Variants in HNRNPUL2 observed in about 807,000 individuals in gnomAD.
The protein encoded by HNRNPUL2 is heterogeneous nuclear ribonucleoprotein U like 2, also known as heterogeneous nuclear ribonucleoprotein U-like protein 2.
A neutral mutation model predicts 102.2 loss-of-function variants in HNRNPUL2; 27 were observed. The observed-to-expected ratio is 0.26, with a 90% CI of 0.19 to 0.36. The LOEUF is 0.36. Ranked by LOEUF, HNRNPUL2 falls within the 10% of genes least tolerant of loss-of-function variation. The pLI, the probability that HNRNPUL2 is intolerant of heterozygous loss-of-function variation, is 1.00. For synonymous variants in HNRNPUL2, 458 were observed against 387.2 expected, an observed-to-expected ratio of 1.18 and a Z score of -2.15; for missense variants, 936 against 981.1, an observed-to-expected ratio of 0.95 and a Z score of 0.61.
Position 62,713,824 on chromosome 11 carries a change from G to A in HNRNPUL2, c.*1475C>T, listed in dbSNP as rs550475868. 1 of 152,422 alleles carries A rather than the reference G, an allele frequency of 6.6e-6. No individual in the cohort carries two copies. The highest frequency in any genetic ancestry group is 2.4e-5 in the African/African-American group (1 of 41,580). 9.4% of individuals were successfully genotyped at this position (152,422 alleles called of 1,614,324 possible). A position where few individuals can be genotyped will look rare whatever the true frequency, so the allele number is the denominator to read the frequency against. On this transcript the variant is annotated 3_prime_UTR_variant, in exon 14 of 14. Coordinates refer to ENST00000301785, the MANE Select transcript of HNRNPUL2 (RefSeq NM_001079559.3). ...CTGCTGAGTAAGCTCTTGGCTGACAGTGCTGAGCAGGAGGATGAATGAAAA... is the reference window on the plus strand; with the variant it reads ...CTGCTGAGTAAGCTCTTGGCTGACAATGCTGAGCAGGAGGATGAATGAAAA...
At position 62,722,911 on chromosome 11, in the gene HNRNPUL2, AG is replaced by A. The variant is rs773076701; in HGVS notation, c.892-9del. ...TGGGAGATTCTGGGTTACCTGGCCA[AG>A]TCAGAAAGGGAACTATTAGATATTG... On this transcript the variant is annotated splice_polypyrimidine_tract_variant and intron_variant, in intron 4 of 13. Coordinates refer to ENST00000301785, the MANE Select transcript of HNRNPUL2 (RefSeq NM_001079559.3). 6.8e-6 allele frequency: 11 copies of A among 1,611,662 alleles called. No individual in the cohort carries two copies. The South Asian group carries it at 1.2e-4, about 18-fold the overall frequency.
At chr11:62,724,494 A>G in intron 1 of HNRNPUL2, 68 bp from the exon 2 acceptor site, 1 of 1,538,914 alleles carries the variant, frequency 6.5e-7, no homozygotes, top group Non-Finnish European at 9.0e-7. Flanking sequence ...CACAACTAAT[A>G]GACACTAACA....
Position 62,726,793 on chromosome 11 carries a change from C to T in HNRNPUL2, c.364G>A (p.Ala122Thr), listed in dbSNP as rs372276805. 63 of 1,599,322 alleles carry T rather than the reference C, an allele frequency of 3.9e-5. No individual in the cohort carries two copies. The African/African-American group carries it at 8.0e-4, about 20-fold the overall frequency. ...TTCTCGGAAGCATCTGGCTCGGCCG[C>T]GGCCTCCATGGCTGCCGCCTCCGGG... is the stretch of plus-strand genomic sequence containing the variant. Reference protein sequence around the residue: ...EPPEAAAMEAAAEPDASEKPA... With the variant: ...EPPEAAAMEATAEPDASEKPA... The change falls in exon 1 of 14, where the codon GCG becomes ACG. Residue 122 changes from alanine to threonine, a missense_variant. Physicochemically the swap from Ala to Thr is moderately conservative, Grantham distance 58 (BLOSUM62 0). Coordinates refer to ENST00000301785, the MANE Select transcript of HNRNPUL2 (RefSeq NM_001079559.3).
At chr11:62,718,501 G>A (rs1197259273) in intron 10 of HNRNPUL2, among the ~76,000 whole-genome samples, 1 of 151,896 alleles carries the variant, frequency 6.6e-6, no homozygotes, top group Non-Finnish European at 1.5e-5. Flanking sequence ...AGGAGTTCGA[G>A]ACCAGCCTGA....
chr11:62,724,405 T>C lies in HNRNPUL2; in HGVS notation c.560A>G (p.Lys187Arg), dbSNP rs1241567174. Residue 187 changes from lysine (K) to arginine (R), a missense_variant, in exon 2 of 14, where the codon AAG becomes AGG. Lys to Arg is a conservative substitution (Grantham distance 26). Coordinates refer to ENST00000301785, the MANE Select transcript of HNRNPUL2 (RefSeq NM_001079559.3). ...ACCATCTGAGCCTGCTGGTTTTGACTTTTCACTATCCTGGTCATCTCCTAC... is the reference window on the plus strand; with the variant it reads ...ACCATCTGAGCCTGCTGGTTTTGACCTTTCACTATCCTGGTCATCTCCTAC... ...EEQGDDQDSEKSKPAGSDGER... is the reference protein window; with the variant it reads ...EEQGDDQDSERSKPAGSDGER... The C allele has an allele frequency of 1.9e-6, 3 of 1,614,076 alleles. No homozygotes were observed. In the African/African-American group the frequency reaches 4.0e-5, roughly 22 times the overall value.
In HNRNPUL2 at chr11:62,722,690, A is replaced by G; in HGVS notation, c.1006T>C (p.Phe336Leu). 6.2e-7 allele frequency: 1 copy of G among 1,614,170 alleles called. No homozygotes were observed. The highest frequency in any genetic ancestry group is 8.5e-7 in the Non-Finnish European group (1 of 1,179,994). The change falls in exon 6 of 14, where the codon TTC becomes CTC. Residue 336 changes from phenylalanine (F) to leucine (L), a missense_variant. Physicochemically the swap from Phe to Leu is conservative, Grantham distance 22. Coordinates refer to ENST00000301785, the MANE Select transcript of HNRNPUL2 (RefSeq NM_001079559.3). ...QLGEDEFSYG[F>L]DGRGLKAENG... Reference sequence around the variant, plus strand: ...TCTGCCTTGAGTCCTCGTCCATCGAAACCGTAAGAGAATTCATCTTCACCT... The same window carrying G: ...TCTGCCTTGAGTCCTCGTCCATCGAGACCGTAAGAGAATTCATCTTCACCT...
At position 62,723,933 on chromosome 11, in the gene HNRNPUL2, A is replaced by T; in HGVS notation, c.732T>A (p.Thr244=). 6.2e-7 allele frequency: 1 copy of T among 1,614,086 alleles called. No individual in the cohort carries two copies. The highest frequency in any genetic ancestry group is 8.5e-7 in the Non-Finnish European group (1 of 1,179,920). Residue 244 remains threonine, a synonymous_variant, in exon 3 of 14, where the codon ACT becomes ACA. Transcript: ENST00000301785. ...ACATACACGTGTCCAGGTTCACAAG[A>T]GTTTGATCCTCCTCCTCATCTTTTG... ...EEAKDEEEDQ[T]LVNLDTYTSD... is the part of the protein sequence containing the mutation.
intron 10 of HNRNPUL2, among the ~76,000 whole-genome samples, chr11:62,718,724 A>G (rs938314407): frequency 7.3e-5 from 11 of 151,664 alleles, no homozygotes; most frequent in African/African-American, 2.7e-4. Context: ...GCAGAATAAG[A>G]AATGTAGACA....
rs925207749 is a variant in HNRNPUL2 at position 62,714,372 on chromosome 11, T to C, written c.*927A>G. 16 of 152,336 alleles carry C rather than the reference T, an allele frequency of 1.1e-4. No homozygotes were observed. Among genetic ancestry groups the C allele is most frequent in the African/African-American group, 3.9e-4 (16 of 41,548 alleles). The allele number at this position is 152,336 out of a possible 1,614,324, so 9.4% of individuals were successfully genotyped here. A position where few individuals can be genotyped will look rare whatever the true frequency, so the allele number is the denominator to read the frequency against. On this transcript the variant is annotated 3_prime_UTR_variant, in exon 14 of 14. Coordinates refer to ENST00000301785, the MANE Select transcript of HNRNPUL2 (RefSeq NM_001079559.3). ...CTGAGAAACGTTCCTTCTCTCGCAC[T>C]GTAAGAGGACAGACACTCTAACAGG...
intron 8 of HNRNPUL2, 131 bp downstream of exon 8, chr11:62,721,689 G>T: frequency 8.8e-7 from 1 of 1,134,088 alleles, no homozygotes; most frequent in Non-Finnish European, 1.3e-6. Context: ...CACCTAAAAC[G>T]CATAGAGAAA....
intron 10 of HNRNPUL2, among the ~76,000 whole-genome samples, chr11:62,718,950 G>A (rs1298119138): frequency 6.6e-6 from 1 of 151,380 alleles, no homozygotes; most frequent in Non-Finnish European, 1.5e-5. Flanking sequence ...TCAGCCTCCC[G>A]AGTAGCTGTG....
At position 62,722,592 on chromosome 11, in the gene HNRNPUL2, A is replaced by G; in HGVS notation, c.1095+9T>C. ...CTTGTTATAACCCACAACTTTCAGGAGCACTTACAGCAAAGCAGCCAATAA... is the reference window on the plus strand; with the variant it reads ...CTTGTTATAACCCACAACTTTCAGGGGCACTTACAGCAAAGCAGCCAATAA... On this transcript the variant is annotated intron_variant, in intron 6 of 13. Coordinates refer to ENST00000301785, the MANE Select transcript of HNRNPUL2 (RefSeq NM_001079559.3). The G allele has an allele frequency of 1.9e-6, 3 of 1,603,268 alleles. No individual in the cohort carries two copies. The highest frequency in any genetic ancestry group is 2.6e-6 in the Non-Finnish European group (3 of 1,170,154).
chr11:62,722,167 C>G lies in HNRNPUL2; in HGVS notation c.1309G>C (p.Glu437Gln). The part of the protein sequence containing the change: ...EFVFIHAVPV[E>Q]ERVRTAVPPK... ...GGGACTGCAGTGCGTACACGCTCCT[C>G]AACAGGCACAGCATGAATGAACACA... Residue 437 changes from glutamate (E) to glutamine (Q), a missense_variant, in exon 7 of 14, where the codon GAG becomes CAG. Around this residue, in one of 2 missense-constraint regions of HNRNPUL2, gnomAD observed 609 missense variants for 713.0 expected, o/e 0.85. Coordinates refer to ENST00000301785, the MANE Select transcript of HNRNPUL2 (RefSeq NM_001079559.3). The G allele has an allele frequency of 6.2e-7, 1 of 1,614,152 alleles. No individual in the cohort carries two copies. Among genetic ancestry groups the G allele is most frequent in the Non-Finnish European group, 8.5e-7 (1 of 1,180,034 alleles).
chr11:62,724,162 T>C, intron 2 of HNRNPUL2, 129 bp downstream of exon 2: 1 of 1,297,290 alleles, frequency 7.7e-7, no homozygotes, highest in Non-Finnish European at 1.1e-6. Flanking sequence ...GTAGATGCAA[T>C]CTAAAACTCA....
Position 62,722,870 on chromosome 11 carries a change from T to G in HNRNPUL2, c.925A>C (p.Thr309Pro), listed in dbSNP as rs758862590. The G allele has an allele frequency of 6.2e-7, 1 of 1,614,172 alleles. No individual in the cohort carries two copies. The highest frequency in any genetic ancestry group is 8.5e-7 in the Non-Finnish European group (1 of 1,180,020). Residue 309 changes from threonine (T) to proline (P), a missense_variant, in exon 5 of 14, where the codon ACA becomes CCA. By Grantham distance (38) the Thr-to-Pro change is conservative. Around this residue, in one of 2 missense-constraint regions of HNRNPUL2, gnomAD observed 609 missense variants for 713.0 expected, o/e 0.85. Coordinates refer to ENST00000301785, the MANE Select transcript of HNRNPUL2 (RefSeq NM_001079559.3). ...CCAACTCGAAGGAGAGAGACCTCTGTGCAGCCTTCTTTCATTGGGAGATTC... is the reference window on the plus strand; with the variant it reads ...CCAACTCGAAGGAGAGAGACCTCTGGGCAGCCTTCTTTCATTGGGAGATTC... ...TQNLPMKEGC[T>P]EVSLLRVGWS...
In HNRNPUL2 at chr11:62,727,236, G is replaced by C. The variant is rs1430644942; in HGVS notation, c.-80C>G. 6.9e-6 allele frequency: 9 copies of C among 1,302,358 alleles called. No individual in the cohort carries two copies. Among genetic ancestry groups the C allele is most frequent in the South Asian group, 2.0e-5 (1 of 49,080 alleles). 80.7% of individuals were successfully genotyped at this position (1,302,358 alleles called of 1,614,324 possible). A position where few individuals can be genotyped will look rare whatever the true frequency, so the allele number is the denominator to read the frequency against. Reference sequence around the variant, plus strand: ...CGAGTCCGACCGCGCAGGCGCCGCCGCCGCCGCCCGCCTCCGCCTCACGCG... The same window carrying C: ...CGAGTCCGACCGCGCAGGCGCCGCCCCCGCCGCCCGCCTCCGCCTCACGCG... On this transcript the variant is annotated 5_prime_UTR_variant, in exon 1 of 14. Transcript: ENST00000301785.
In HNRNPUL2 at chr11:62,722,155, G is replaced by C; in HGVS notation, c.1321C>G (p.Arg441Gly). Residue 441 changes from arginine (R) to glycine (G), a missense_variant, in exon 7 of 14, where the codon CGC becomes GGC. Physicochemically the swap from Arg to Gly is moderately radical, Grantham distance 125. Transcript: ENST00000301785. ...ATGGTCTTGGGAGGGACTGCAGTGC[G>C]TACACGCTCCTCAACAGGCACAGCA... is the stretch of plus-strand genomic sequence containing the variant. The part of the protein sequence containing the change: ...IHAVPVEERV[R>G]TAVPPKTIEE... 1 of 1,614,012 alleles carries C rather than the reference G, an allele frequency of 6.2e-7. No individual in the cohort carries two copies. The highest frequency in any genetic ancestry group is 8.5e-7 in the Non-Finnish European group (1 of 1,180,000).
intron 10 of HNRNPUL2, among the ~76,000 whole-genome samples, chr11:62,718,949 C>T (rs2083680391): frequency 6.6e-6 from 1 of 151,778 alleles, no homozygotes; most frequent in Non-Finnish European, 1.5e-5. Context: ...CTCAGCCTCC[C>T]GAGTAGCTGT....
At chr11:62,726,034 A>T (rs2083742685) in intron 1 of HNRNPUL2, among the ~76,000 whole-genome samples, 1 of 152,228 alleles carries the variant, frequency 6.6e-6, no homozygotes, top group African/African-American at 2.4e-5. Flanking sequence ...AACTAGATTA[A>T]GATTTTTCTC....
Sources: gnomAD v4.1 joint callset for allele counts (sites outside exome capture counted in the v4.1 genomes callset) on GRCh38, gnomAD v4.1.1 for gene constraint, gnomAD v4.1.1 regional missense constraint, MANE v1.5 for transcripts, NCBI Gene and HGNC (gene_info 2026-07-23, HGNC 2026-07-21) for gene names.